Variants in PDE4D observed in about 807,000 individuals in gnomAD.
The protein encoded by PDE4D is phosphodiesterase 4D, also known as 3',5'-cyclic-AMP phosphodiesterase 4D.
In PDE4D, 24 loss-of-function variants were observed where a neutral mutation model predicts 87.4. That is an observed-to-expected ratio of 0.27 (90% CI 0.20 to 0.39). The LOEUF (loss-of-function observed/expected upper bound fraction) is 0.39. PDE4D is among the 10% of genes least tolerant of loss of function. The pLI, the probability that PDE4D is intolerant of heterozygous loss-of-function variation, is 1.00. For synonymous variants in PDE4D, 384 were observed against 383.2 expected, an observed-to-expected ratio of 1.00 and a Z score of -0.02; for missense variants, 714 against 1,041.0, an observed-to-expected ratio of 0.69 and a Z score of 4.32.
At chr5:59,572,453 GT>G (rs1031162160) in intron 1 of PDE4D, among the ~76,000 whole-genome samples, 1 of 151,402 alleles carries the variant, frequency 6.6e-6, no homozygotes, top group African/African-American at 2.4e-5. Flanking sequence ...TGGTACACAG[GT>G]TTTTTGTTTT....
At chr5:59,566,591 TGAGA>T (rs1231934624) in intron 1 of PDE4D, among the ~76,000 whole-genome samples, 3 of 100,720 alleles carry the variant, frequency 3.0e-5, no homozygotes, top group African/African-American at 1.1e-4. Flanking sequence ...TGTGAGAGAA[TGAGA>T]GAGAGAGAGA....
At chr5:60,216,144 T>C (rs116212106) in intron 1 of PDE4D, among the ~76,000 whole-genome samples, 157 of 152,196 alleles carry the variant, frequency 1.0e-3, no homozygotes, top group African/African-American at 3.6e-3. Context: ...AGCGCTTTAT[T>C]CTGATGGATG....
intron 1 of PDE4D, among the ~76,000 whole-genome samples, chr5:59,640,350 C>A (rs1741366093): frequency 6.6e-6 from 1 of 152,214 alleles, no homozygotes; most frequent in Non-Finnish European, 1.5e-5. Flanking sequence ...TCCTCTCACC[C>A]TTCAGCTAGC....
intron 2 of PDE4D, among the ~76,000 whole-genome samples, chr5:60,037,568 T>C (rs981963725): frequency 6.6e-6 from 1 of 152,216 alleles, no homozygotes; most frequent in African/African-American, 2.4e-5. Context: ...TGCTAAGTCA[T>C]AAAAATTCAA....
At chr5:60,226,852 C>T (rs149595588) in intron 1 of PDE4D, among the ~76,000 whole-genome samples, 2 of 151,906 alleles carry the variant, frequency 1.3e-5, no homozygotes, top group Non-Finnish European at 2.9e-5. Context: ...CACACACACA[C>T]ACACCACCTG....
At chr5:59,605,004 A>T (rs1335217917) in intron 1 of PDE4D, among the ~76,000 whole-genome samples, 2 of 152,034 alleles carry the variant, frequency 1.3e-5, no homozygotes, top group African/African-American at 4.8e-5. Flanking sequence ...ACAAAACAAC[A>T]ACAAAAGTCT....
At chr5:59,595,526 G>A (rs950882820) in intron 1 of PDE4D, among the ~76,000 whole-genome samples, 1 of 152,066 alleles carries the variant, frequency 6.6e-6, no homozygotes, top group Non-Finnish European at 1.5e-5. Flanking sequence ...ACCGACCTCT[G>A]AATTTGGTAA....
intron 1 of PDE4D, among the ~76,000 whole-genome samples, chr5:60,398,520 T>C (rs556696436): frequency 1.2e-4 from 19 of 152,282 alleles, no homozygotes; most frequent in Non-Finnish European, 2.5e-4. Flanking sequence ...AGAGAGTTAC[T>C]GTACCATAGA....
chr5:58,983,748 C>A (rs983561495), intron 11 of PDE4D, among the ~76,000 whole-genome samples: 1 of 152,204 alleles, frequency 6.6e-6, no homozygotes, highest in Non-Finnish European at 1.5e-5. Context: ...GCACAGCAGG[C>A]TGGACCTGTT....
At chr5:59,971,764 C>T (rs1315296793) in intron 3 of PDE4D, among the ~76,000 whole-genome samples, 1 of 152,172 alleles carries the variant, frequency 6.6e-6, no homozygotes, top group Non-Finnish European at 1.5e-5. Flanking sequence ...AACTTTACTA[C>T]TAATTTTACA....
chr5:60,044,349 T>G (rs562864464), intron 2 of PDE4D, among the ~76,000 whole-genome samples: 1 of 142,360 alleles, frequency 7.0e-6, no homozygotes, highest in East Asian at 2.3e-4. Flanking sequence ...GACACTTCAT[T>G]TATACTCTAG....
At position 60,251,061 on chromosome 5, in the gene PDE4D, A is replaced by C. The variant is rs138915234; in HGVS notation, c.-89-65374T>G. 3.7e-3 allele frequency among the ~76,000 whole-genome samples: 568 copies of C among 152,126 alleles called. 1 individual carries two copies. The highest frequency in any genetic ancestry group is 6.7e-3 in the Non-Finnish European group (457 of 67,956). On this transcript the variant is annotated intron_variant, in intron 1 of 16. Transcript: ENST00000502484. ...AGATAACTAGACATTTTTTAATAAGAAGCTTATATAATAAGGATACAGAGA... is the reference window on the plus strand; with the variant it reads ...AGATAACTAGACATTTTTTAATAAGCAGCTTATATAATAAGGATACAGAGA...
intron 5 of PDE4D, chr5:59,125,383 C>T (rs1001497152): frequency 1.7e-6 from 1 of 585,826 alleles, no homozygotes; most frequent in African/African-American, 2.0e-5. Flanking sequence ...CTTCCTTAAG[C>T]TTCCTCTGTC....
intron 1 of PDE4D, among the ~76,000 whole-genome samples, chr5:60,240,829 G>A (rs1039287996): frequency 6.6e-6 from 1 of 152,052 alleles, no homozygotes; most frequent in African/African-American, 2.4e-5. Context: ...TAGGTTTGTG[G>A]TACCCCCGAT....
intron 1 of PDE4D, among the ~76,000 whole-genome samples, chr5:60,226,553 T>C (rs548497006): frequency 1.3e-3 from 199 of 152,278 alleles, no homozygotes; most frequent in African/African-American, 4.6e-3. Context: ...TTTAATTTTT[T>C]ATTTGAAAAA....
chr5:59,466,094 C>A (rs1384979801), intron 1 of PDE4D, among the ~76,000 whole-genome samples: 1 of 151,988 alleles, frequency 6.6e-6, no homozygotes, highest in East Asian at 1.9e-4. Context: ...AATGCTGGCT[C>A]TAGAAATTAT....
intron 2 of PDE4D, among the ~76,000 whole-genome samples, chr5:60,075,494 A>G (rs1432161118): frequency 1.3e-5 from 2 of 152,026 alleles, no homozygotes; most frequent in African/African-American, 2.4e-5. Context: ...CTTGGGGATG[A>G]TCTTCTTGTG....
intron 1 of PDE4D, among the ~76,000 whole-genome samples, chr5:60,255,200 C>T (rs1001133010): frequency 4.6e-5 from 7 of 151,822 alleles, no homozygotes; most frequent in South Asian, 4.1e-4. Context: ...CAAAAGAAAA[C>T]GTACCATTGT....
At chr5:60,038,755 C>A (rs1260311202) in intron 2 of PDE4D, among the ~76,000 whole-genome samples, 1 of 151,674 alleles carries the variant, frequency 6.6e-6, no homozygotes, top group African/African-American at 2.4e-5. Flanking sequence ...AAACAAACAA[C>A]CCCATCAAAA....
Sources: gnomAD v4.1 joint callset for allele counts (sites outside exome capture counted in the v4.1 genomes callset) on GRCh38, gnomAD v4.1.1 for gene constraint, MANE v1.5 for transcripts, NCBI Gene and HGNC (gene_info 2026-07-23, HGNC 2026-07-21) for gene names.